The following RBFOX1 variants were observed in gnomAD, a reference collection of about 807,000 sequenced individuals.
RBFOX1 encodes the protein RNA binding protein fox-1 homolog 1.
A neutral mutation model predicts 57.7 loss-of-function variants in RBFOX1; 8 were observed. The observed-to-expected ratio is 0.14, with a 90% CI of 0.08 to 0.25. The LOEUF (loss-of-function observed/expected upper bound fraction) is 0.25. RBFOX1 is among the 10% of genes least tolerant of loss of function. The pLI, the probability that RBFOX1 is intolerant of heterozygous loss-of-function variation, is 1.00. For synonymous variants in RBFOX1, 326 were observed against 222.4 expected, an observed-to-expected ratio of 1.47 and a Z score of -4.15; for missense variants, 611 against 548.5, an observed-to-expected ratio of 1.11 and a Z score of -1.14.
chr16:7,327,740 T>G (rs139216738), intron 4 of RBFOX1, among the ~76,000 whole-genome samples: 69 of 152,268 alleles, frequency 4.5e-4, no homozygotes, highest in African/African-American at 1.6e-3. Flanking sequence ...TCAACATGCC[T>G]AGATCTTCCA....
At chr16:6,524,183 C>G (rs967572541) in intron 2 of RBFOX1, among the ~76,000 whole-genome samples, 2 of 152,326 alleles carry the variant, frequency 1.3e-5, no homozygotes, top group Non-Finnish European at 2.9e-5. Flanking sequence ...CCTGTACTCT[C>G]TATCTCCGTG....
intron 3 of RBFOX1, among the ~76,000 whole-genome samples, chr16:5,725,635 A>G (rs528391911): frequency 6.6e-6 from 1 of 151,480 alleles, no homozygotes; most frequent in Admixed American, 6.6e-5. Context: ...AAGAGTGCTC[A>G]TAAGATCCTC....
intron 3 of RBFOX1, among the ~76,000 whole-genome samples, chr16:5,862,483 T>C (rs913478557): frequency 5.3e-5 from 8 of 152,092 alleles, no homozygotes; most frequent in Admixed American, 5.2e-4. Flanking sequence ...TGGGGTGACC[T>C]GCATCAATCA....
At chr16:5,592,443 G>A (rs1169926821) in intron 2 of RBFOX1, among the ~76,000 whole-genome samples, 1 of 149,948 alleles carries the variant, frequency 6.7e-6, no homozygotes, top group Non-Finnish European at 1.5e-5. Flanking sequence ...CTGAGATGGA[G>A]TCTTGCTTCA....
chr16:6,789,833 C>A (rs954589687), intron 3 of RBFOX1, among the ~76,000 whole-genome samples: 1 of 151,844 alleles, frequency 6.6e-6, no homozygotes, highest in East Asian at 1.9e-4. Flanking sequence ...GTGCTTTCTC[C>A]CACCTTTTTC....
chr16:7,451,415 G>A (rs747120912), intron 4 of RBFOX1, among the ~76,000 whole-genome samples: 5 of 152,134 alleles, frequency 3.3e-5, no homozygotes, highest in Non-Finnish European at 5.9e-5. Context: ...GCAGGTTGAG[G>A]CAATAGGTAA....
chr16:6,867,603 C>T (rs2060163504), intron 3 of RBFOX1, among the ~76,000 whole-genome samples: 1 of 152,100 alleles, frequency 6.6e-6, no homozygotes, highest in African/African-American at 2.4e-5. Context: ...CCTGTAATCC[C>T]AGCTACTTGG....
intron 1 of RBFOX1, among the ~76,000 whole-genome samples, chr16:5,409,825 A>C (rs1016024222): frequency 6.6e-6 from 1 of 151,902 alleles, no homozygotes; most frequent in African/African-American, 2.4e-5. Context: ...CGAGGTGGGC[A>C]GATCATGAGG....
chr16:6,738,061 T>A (rs2070906084), intron 3 of RBFOX1, among the ~76,000 whole-genome samples: 1 of 147,474 alleles, frequency 6.8e-6, no homozygotes, highest in Non-Finnish European at 1.5e-5. Context: ...TTGTCTCTTT[T>A]TTTTTTGCGG....
At chr16:5,662,196 G>T (rs1466763505) in intron 3 of RBFOX1, among the ~76,000 whole-genome samples, 1 of 152,116 alleles carries the variant, frequency 6.6e-6, no homozygotes, top group Admixed American at 6.5e-5. Context: ...AGTTGATATG[G>T]TCTGTTTGAC....
chr16:6,919,780 T>C (rs2074053000), intron 3 of RBFOX1, among the ~76,000 whole-genome samples: 1 of 151,160 alleles, frequency 6.6e-6, no homozygotes, highest in African/African-American at 2.4e-5. Flanking sequence ...TTTTTTTTTT[T>C]TTTTTTCATT....
chr16:7,257,485 T>TA (rs1321419643), intron 4 of RBFOX1, among the ~76,000 whole-genome samples: 1 of 152,154 alleles, frequency 6.6e-6, no homozygotes, highest in Non-Finnish European at 1.5e-5. Flanking sequence ...CTGTCAGCCA[T>TA]ACCCCCCGGG....
rs2087339137 is a variant in RBFOX1, at chr16:7,198,331, G to A, written c.27+146233G>A. Among the ~76,000 whole-genome samples the A allele has an allele frequency of 6.6e-5, 10 of 152,232 alleles. No individual in the cohort carries two copies. The South Asian group carries it at 2.1e-3, about 32-fold the overall frequency. Reference sequence around the variant, plus strand: ...ATATACCCGGTGGTTTTCTTCTGGGGTGATGAAAATGTTTTGAAACTAGAC... The same window carrying A: ...ATATACCCGGTGGTTTTCTTCTGGGATGATGAAAATGTTTTGAAACTAGAC... On this transcript the variant is annotated intron_variant, in intron 4 of 15. Transcript: ENST00000550418.
intron 2 of RBFOX1, among the ~76,000 whole-genome samples, chr16:6,453,653 A>G (rs576754539): frequency 6.6e-6 from 1 of 152,304 alleles, no homozygotes; most frequent in East Asian, 1.9e-4. Context: ...AAACAATAGA[A>G]AAAGAGGGAC....
intron 2 of RBFOX1, among the ~76,000 whole-genome samples, chr16:5,473,089 G>A (rs969524423): frequency 1.3e-5 from 2 of 152,290 alleles, no homozygotes; most frequent in Non-Finnish European, 1.5e-5. Context: ...TTTGATGACT[G>A]CCCTGGCTCA....
At chr16:5,324,621 G>T (rs564887687) in intron 1 of RBFOX1, among the ~76,000 whole-genome samples, 5 of 152,266 alleles carry the variant, frequency 3.3e-5, no homozygotes, top group Non-Finnish European at 7.4e-5. Flanking sequence ...GAAATGTTAC[G>T]CAGCCATACA....
Position 6,943,488 on chromosome 16 carries a change from C to T in RBFOX1, c.-15-108569C>T, listed in dbSNP as rs1035096895. 4.9e-4 allele frequency among the ~76,000 whole-genome samples: 75 copies of T among 152,162 alleles called. 1 individual carries two copies. Among genetic ancestry groups the T allele is most frequent in the African/African-American group, 1.7e-3 (71 of 41,528 alleles). ...CTTTGGGAGTCTGAGGCAGGCGGAT[C>T]ACAAGGTCAGGAGATTGAGACCATC... On this transcript the variant is annotated intron_variant, in intron 3 of 15. Transcript: ENST00000550418.
intron 4 of RBFOX1, among the ~76,000 whole-genome samples, chr16:7,473,436 A>G (rs1458468854): frequency 6.8e-6 from 1 of 148,084 alleles, no homozygotes; most frequent in Non-Finnish European, 1.5e-5. Context: ...TATATAATAT[A>G]TATTTTATAC....
At chr16:6,145,731 C>G (rs576495195) in intron 1 of RBFOX1, among the ~76,000 whole-genome samples, 1 of 151,964 alleles carries the variant, frequency 6.6e-6, no homozygotes, top group African/African-American at 2.4e-5. Context: ...TATTTAAAAC[C>G]TCAGGAGGAG....
Sources: gnomAD v4.1 joint callset for allele counts (sites outside exome capture counted in the v4.1 genomes callset) on GRCh38, gnomAD v4.1.1 for gene constraint, MANE v1.5 for transcripts, NCBI Gene and HGNC (gene_info 2026-07-23, HGNC 2026-07-21) for gene names.